The following SYNE1 variants were observed in gnomAD, a reference collection of about 807,000 sequenced individuals.
The protein encoded by SYNE1 is nesprin-1.
In SYNE1, 616 loss-of-function variants were observed where a neutral mutation model predicts 1,111.0. That is an observed-to-expected ratio of 0.55 (90% CI 0.52 to 0.59). SYNE1 has a LOEUF of 0.59. Among genes scored for constraint, SYNE1 ranks in the 20% least tolerant of loss-of-function variants. The probability of loss-of-function intolerance (pLI) is 0.00; values close to 1 mark genes in which losing one functional copy is unlikely to be tolerated. For missense variants in SYNE1, 10,006 were observed against 10,417.0 expected, an observed-to-expected ratio of 0.96 and a Z score of 1.72; for synonymous variants, 3,855 against 3,825.8, an observed-to-expected ratio of 1.01 and a Z score of -0.28.
intron 3 of SYNE1, among the ~76,000 whole-genome samples, chr6:152,582,562 A>G (rs1056865164): frequency 6.6e-6 from 1 of 151,396 alleles, no homozygotes; most frequent in Non-Finnish European, 1.5e-5. Flanking sequence ...AACTTTTTAC[A>G]TATATATAAA....
At chr6:152,397,523 C>T (rs1385851169) in intron 49 of SYNE1, among the ~76,000 whole-genome samples, 4 of 152,120 alleles carry the variant, frequency 2.6e-5, no homozygotes, top group Non-Finnish European at 4.4e-5. Flanking sequence ...TTCCTTGTGG[C>T]GTTTGCTACA....
At position 152,297,783 on chromosome 6, in the gene SYNE1, G is replaced by C. The variant is rs931287579; in HGVS notation, c.17682+2858C>G. 8.9e-3 allele frequency among the ~76,000 whole-genome samples: 232 copies of C among 25,994 alleles called. 1 individual carries two copies. The highest frequency in any genetic ancestry group is 0.011 in the Non-Finnish European group (171 of 16,170). 17.1% of individuals were successfully genotyped at this position (25,994 alleles called of 152,430 possible). On this transcript the variant is annotated intron_variant, in intron 93 of 145. Coordinates refer to ENST00000367255, the MANE Select transcript of SYNE1 (RefSeq NM_182961.4). Reference sequence around the variant, plus strand: ...AATTTTTTTCTGGCAGTCTCACTCTGTGTGTGTGTGTGTGTGTGTGTGTGT... The same window carrying C: ...AATTTTTTTCTGGCAGTCTCACTCTCTGTGTGTGTGTGTGTGTGTGTGTGT...
chr6:152,307,477 A>C (rs1461140439), intron 91 of SYNE1, among the ~76,000 whole-genome samples: 1 of 152,180 alleles, frequency 6.6e-6, no homozygotes, highest in Non-Finnish European at 1.5e-5. Context: ...GTACAGAAAA[A>C]ATAAGACAAC....
At chr6:152,169,863 A>G (rs2064739238) in intron 130 of SYNE1, among the ~76,000 whole-genome samples, 1 of 151,932 alleles carries the variant, frequency 6.6e-6, no homozygotes, top group African/African-American at 2.4e-5. Flanking sequence ...TAGAAAACAT[A>G]GTACTTAAAG....
intron 3 of SYNE1, among the ~76,000 whole-genome samples, chr6:152,542,566 A>T (rs1487799675): frequency 6.6e-6 from 1 of 152,094 alleles, no homozygotes; most frequent in Non-Finnish European, 1.5e-5. Flanking sequence ...CAACTATTAT[A>T]ATGCCCATTT....
At chr6:152,536,923 T>G (rs1397268890) in intron 4 of SYNE1, among the ~76,000 whole-genome samples, 1 of 152,178 alleles carries the variant, frequency 6.6e-6, no homozygotes, top group Non-Finnish European at 1.5e-5. Flanking sequence ...GAGATAAAGT[T>G]GCTAAGGCAC....
intron 126 of SYNE1, among the ~76,000 whole-genome samples, chr6:152,204,870 C>T (rs1171851467): frequency 6.6e-6 from 1 of 152,108 alleles, no homozygotes; most frequent in African/African-American, 2.4e-5. Flanking sequence ...GTCTTGGAAA[C>T]ATCTCCAAAA....
At chr6:152,561,750 C>T (rs1285390536) in intron 3 of SYNE1, among the ~76,000 whole-genome samples, 2 of 151,930 alleles carry the variant, frequency 1.3e-5, no homozygotes, top group Non-Finnish European at 2.9e-5. Context: ...CAGAAATAAA[C>T]CCATATATAA....
At chr6:152,625,630 T>C (rs187037863) in intron 3 of SYNE1, among the ~76,000 whole-genome samples, 2 of 152,322 alleles carry the variant, frequency 1.3e-5, no homozygotes, top group East Asian at 1.9e-4. Flanking sequence ...TATGCCACCT[T>C]ATAACTCTCT....
At chr6:152,228,767 G>A (rs2082128132) in intron 115 of SYNE1, among the ~76,000 whole-genome samples, 1 of 152,242 alleles carries the variant, frequency 6.6e-6, no homozygotes. Context: ...CAGAAGTAAA[G>A]AGCTGAAATT....
In SYNE1 at chr6:152,352,113, T is replaced by G. The variant is rs371641639; in HGVS notation, c.11494A>C (p.Ile3832Leu). 1 of 1,614,138 alleles carries G rather than the reference T, an allele frequency of 6.2e-7. No homozygotes were observed. The highest frequency in any genetic ancestry group is 1.3e-5 in the African/African-American group (1 of 74,952). The stretch of plus-strand genomic sequence containing the variant: ...TGTAGAATTTCCTGGTATTCTGCTA[T>G]CCACTGTGTCAGTGCTTTGCATTTA... ...SDKCKALTQW[I>L]AEYQEILHVP... The change falls in exon 70 of 146, where the codon ATA becomes CTA. Residue 3832 changes from isoleucine to leucine, a missense_variant. Ile to Leu is a conservative substitution (Grantham distance 5, BLOSUM62 2). Coordinates refer to ENST00000367255, the MANE Select transcript of SYNE1 (RefSeq NM_182961.4).
At chr6:152,463,321 C>G (rs767742675) in intron 19 of SYNE1, 32 bp downstream of exon 19, 1 of 1,613,338 alleles carries the variant, frequency 6.2e-7, no homozygotes, top group African/African-American at 1.3e-5. Context: ...AACACATACA[C>G]GTTGAGGTGT....
In SYNE1 at chr6:152,391,587, A is replaced by AAAAAAAG. The variant is rs1563646693; in HGVS notation, c.7713-20_7713-19insCTTTTTT. On this transcript the variant is annotated intron_variant, in intron 51 of 145. Transcript: ENST00000367255. Reference sequence around the variant, plus strand: ...AGACTCTCTGAAAAAAAGGAAAAAAAAAAAAAAGAAAAAAAATTAATTCTG... The same window carrying AAAAAAAG: ...AGACTCTCTGAAAAAAAGGAAAAAAAAAAAAAGAAAAAAAGAAAAAAAATTAATTCTG... 1.3e-6 allele frequency: 2 copies of AAAAAAAG among 1,557,488 alleles called. No homozygotes were observed. The highest frequency in any genetic ancestry group is 1.5e-5 in the African/African-American group (1 of 68,738).
rs1440333778 is a variant in SYNE1, at chr6:152,277,343, T to C, written c.18573+746A>G. Among the ~76,000 whole-genome samples, 16 of 138,556 alleles carry C rather than the reference T, an allele frequency of 1.2e-4. 1 individual carries two copies. The Admixed American group carries it at 1.2e-3, about 10-fold the overall frequency. 90.9% of individuals were successfully genotyped at this position (138,556 alleles called of 152,430 possible). ...CCCAGACTGGAGTGCAGTGATATAA[T>C]CTCGGCTCACTGAAATCTCCACCTC... On this transcript the variant is annotated intron_variant, in intron 98 of 145. Coordinates refer to ENST00000367255, the MANE Select transcript of SYNE1 (RefSeq NM_182961.4).
intron 87 of SYNE1, among the ~76,000 whole-genome samples, chr6:152,314,756 G>A (rs1373443580): frequency 6.6e-6 from 1 of 151,804 alleles, no homozygotes; most frequent in Non-Finnish European, 1.5e-5. Flanking sequence ...TTTGAGACCA[G>A]TCTGGCCAGC....
intron 29 of SYNE1, 123 bp from the exon 30 acceptor site, chr6:152,444,701 C>G: frequency 1.2e-6 from 1 of 852,294 alleles, no homozygotes; most frequent in Non-Finnish European, 1.8e-6. Context: ...TACTACGTGA[C>G]TGTGAAATGA....
chr6:152,310,099 G>C (rs778897181), intron 89 of SYNE1, 82 bp from the exon 90 acceptor site: 65 of 1,457,886 alleles, frequency 4.5e-5, no homozygotes, highest in Non-Finnish European at 5.7e-5. Context: ...TTATAGTTAC[G>C]TTGCAAGTTA....
At chr6:152,278,713 G>A (rs146595474) in intron 97 of SYNE1, among the ~76,000 whole-genome samples, 26 of 152,036 alleles carry the variant, frequency 1.7e-4, no homozygotes, top group African/African-American at 4.8e-4. Context: ...CGCCCACCTC[G>A]GCCTCCCAAA....
Position 152,350,229 on chromosome 6 carries a change from G to A in SYNE1, c.11840C>T (p.Ala3947Val), listed in dbSNP as rs771184874. The A allele has an allele frequency of 8.7e-6, 14 of 1,613,982 alleles. No homozygotes were observed. The highest frequency in any genetic ancestry group is 3.3e-5 in the South Asian group (3 of 91,084). Residue 3947 changes from alanine (A) to valine (V), a missense_variant, in exon 72 of 146, where the codon GCA becomes GTA. Ala to Val is a moderately conservative substitution (Grantham distance 64). Coordinates refer to ENST00000367255, the MANE Select transcript of SYNE1 (RefSeq NM_182961.4). ...GCTGCTTGTCTCCAGGAGGTCAGGT[G>A]CCACCAGTCTGCCAGACATCTGCAG... ...WLLQMSGRLV[A>V]PDLLETSSLE...
Sources: allele counts gnomAD v4.1 joint callset (sites outside exome capture counted in the v4.1 genomes callset), GRCh38; gene constraint gnomAD v4.1.1; transcripts MANE v1.5; gene names NCBI Gene and HGNC (gene_info 2026-07-23, HGNC 2026-07-21).